The following NRG1 variants were observed in gnomAD, a reference collection of about 807,000 sequenced individuals.
The protein encoded by NRG1 is neuregulin 1.
NRG1 carries 18 observed loss-of-function variants against 63.8 expected under a neutral mutation model. That is an observed-to-expected ratio of 0.28 (90% CI 0.19 to 0.42). NRG1 has a LOEUF of 0.42. Among genes scored for constraint, NRG1 ranks in the 10% least tolerant of loss-of-function variants. The pLI, the probability that NRG1 is intolerant of heterozygous loss-of-function variation, is 1.00. For missense variants in NRG1, 762 were observed against 814.7 expected (o/e 0.94, Z 0.79); for synonymous variants, 302 against 301.3 (o/e 1.00, Z -0.02).
chr8:32,325,030 T>C (rs10101847), intron 1 of NRG1, among the ~76,000 whole-genome samples: 14,436 of 152,246 alleles, frequency 0.095, 957 homozygotes, highest in African/African-American at 0.18. Context: ...GAAGTGAGCA[T>C]TGTTCTAAAT....
intron 11 of NRG1, chr8:32,760,910 C>A (rs986678440): frequency 3.0e-6 from 3 of 992,622 alleles, no homozygotes; most frequent in African/African-American, 1.7e-5. Context: ...TCATGGGGGG[C>A]AACTGCTTGC....
chr8:32,450,821 C>T (rs1266855825), intron 1 of NRG1, among the ~76,000 whole-genome samples: 1 of 152,098 alleles, frequency 6.6e-6, no homozygotes, highest in Non-Finnish European at 1.5e-5. Context: ...GAGATGGTGG[C>T]AAGGGTGAGA....
chr8:31,940,786 C>G (rs1223001742), intron 1 of NRG1, among the ~76,000 whole-genome samples: 1 of 152,040 alleles, frequency 6.6e-6, no homozygotes, highest in African/African-American at 2.4e-5. Context: ...CACACATAAA[C>G]TAGAAAACCT....
intron 1 of NRG1, among the ~76,000 whole-genome samples, chr8:31,797,003 T>C (rs1821294122): frequency 6.6e-6 from 1 of 152,126 alleles, no homozygotes; most frequent in Admixed American, 6.5e-5. Context: ...TGAAATGTTA[T>C]TTTTGGTGAA....
chr8:32,372,244 C>A (rs771390218), intron 1 of NRG1, among the ~76,000 whole-genome samples: 1 of 152,046 alleles, frequency 6.6e-6, no homozygotes, highest in Non-Finnish European at 1.5e-5. Flanking sequence ...CTCTCCTCAG[C>A]CTCCCAAAGT....
In NRG1 at chr8:32,072,183, T is replaced by C. The variant is rs368427125; in HGVS notation, c.37+432752T>C. Among the ~76,000 whole-genome samples the C allele has an allele frequency of 5.9e-4, 89 of 150,686 alleles. 1 individual carries two copies. Among genetic ancestry groups the C allele is most frequent in the African/African-American group, 2.0e-3 (80 of 41,008 alleles). On this transcript the variant is annotated intron_variant, in intron 1 of 10. Coordinates refer to the NRG1 transcript ENST00000519301. ...GAAGGAATTCTTAGAGATTTCATCA[T>C]GAGTAAGCACTTTTCAGTATAGAAT...
chr8:32,473,341 A>G (rs1824083182), intron 1 of NRG1, among the ~76,000 whole-genome samples: 1 of 152,222 alleles, frequency 6.6e-6, no homozygotes, highest in Admixed American at 6.5e-5. Context: ...AATCTGGTAA[A>G]CGAAATCTTT....
intron 1 of NRG1, among the ~76,000 whole-genome samples, chr8:32,419,981 C>T (rs897690030): frequency 2.5e-4 from 38 of 152,226 alleles, no homozygotes; most frequent in African/African-American, 8.4e-4. Flanking sequence ...AAAACACAGC[C>T]GGGATGGCTC....
intron 1 of NRG1, among the ~76,000 whole-genome samples, chr8:32,141,001 GTCTC>G (rs915925632): frequency 3.3e-5 from 5 of 151,626 alleles, no homozygotes; most frequent in Admixed American, 6.6e-5. Context: ...CTCTGTTTCT[GTCTC>G]TCTCTTTTTC....
At chr8:32,417,127 T>C (rs1816034501) in intron 1 of NRG1, among the ~76,000 whole-genome samples, 1 of 152,162 alleles carries the variant, frequency 6.6e-6, no homozygotes, top group African/African-American at 2.4e-5. Context: ...TGACAGGACA[T>C]ACAAACACTA....
intron 6 of NRG1, chr8:32,728,644 A>G: frequency 1.0e-6 from 1 of 985,026 alleles, no homozygotes; most frequent in Non-Finnish European, 1.2e-6. Context: ...TAAATTGCAT[A>G]TATTTGGAAA....
intron 5 of NRG1, among the ~76,000 whole-genome samples, chr8:32,654,654 A>AGTATGT (rs1855894574): frequency 7.4e-6 from 1 of 135,276 alleles, no homozygotes; most frequent in African/African-American, 2.7e-5. Context: ...TTACCTTTAT[A>AGTATGT]ATATTGATAT....
intron 1 of NRG1, among the ~76,000 whole-genome samples, chr8:32,588,330 T>C (rs1199275588): frequency 6.6e-6 from 1 of 152,194 alleles, no homozygotes; most frequent in Non-Finnish European, 1.5e-5. Context: ...ACTGAGCTGA[T>C]TGTGGCTCAT....
intron 1 of NRG1, among the ~76,000 whole-genome samples, chr8:31,967,014 T>C (rs1424678675): frequency 6.6e-6 from 1 of 152,198 alleles, no homozygotes; most frequent in Non-Finnish European, 1.5e-5. Flanking sequence ...CTTCTAATTA[T>C]GTTTTGTTTG....
chr8:31,955,993 A>G (rs1413274074), intron 1 of NRG1, among the ~76,000 whole-genome samples: 3 of 150,184 alleles, frequency 2.0e-5, no homozygotes, highest in Non-Finnish European at 4.4e-5. Context: ...GTGAGCCATG[A>G]TCATAGCACT....
chr8:32,600,325 GAC>G (rs5890665), intron 2 of NRG1, among the ~76,000 whole-genome samples: 70,940 of 149,244 alleles, frequency 0.48, 17,283 homozygotes, highest in Middle Eastern at 0.54. Flanking sequence ...AGCAGTGTTG[GAC>G]ACACACACAC....
At chr8:31,794,372 A>G (rs912581975) in intron 1 of NRG1, among the ~76,000 whole-genome samples, 1 of 151,948 alleles carries the variant, frequency 6.6e-6, no homozygotes, top group African/African-American at 2.4e-5. Context: ...TTGGATACTT[A>G]CCACATCTAG....
chr8:32,573,255 T>C (rs1336354783), intron 1 of NRG1, among the ~76,000 whole-genome samples: 3 of 152,252 alleles, frequency 2.0e-5, no homozygotes, highest in Admixed American at 1.3e-4. Flanking sequence ...CCATGATGAC[T>C]TATTGACTCG....
chr8:32,229,987 AC>A (rs1461583953), intron 1 of NRG1, among the ~76,000 whole-genome samples: 2 of 151,686 alleles, frequency 1.3e-5, no homozygotes, highest in Non-Finnish European at 2.9e-5. Context: ...GTCCCTAAAC[AC>A]TCCCCAACCC....
Sources: gnomAD v4.1 joint callset for allele counts (sites outside exome capture counted in the v4.1 genomes callset) on GRCh38, gnomAD v4.1.1 for gene constraint, MANE v1.5 for transcripts, NCBI Gene and HGNC (gene_info 2026-07-23, HGNC 2026-07-21) for gene names.